Variants in MAT2A observed in about 807,000 individuals in gnomAD.
MAT2A encodes methionine adenosyltransferase 2A, also known as S-adenosylmethionine synthase isoform type-2.
Under a neutral mutation model 43.9 loss-of-function variants are expected in MAT2A, and 3 were observed. The ratio of observed to expected loss-of-function variants is 0.07; its 90% CI spans 0.03 to 0.18. The LOEUF is 0.18. MAT2A is among the 10% of genes least tolerant of loss of function. The probability of loss-of-function intolerance (pLI) is 1.00; values close to 1 mark genes in which losing one functional copy is unlikely to be tolerated. For synonymous variants in MAT2A, 200 were observed against 168.4 expected (o/e 1.19, Z -1.45); for missense variants, 204 against 489.0 (o/e 0.42, Z 5.50).
chr2:85,540,555 C>T (rs1161164685), intron 1 of MAT2A, among the ~76,000 whole-genome samples: 1 of 152,132 alleles, frequency 6.6e-6, no homozygotes, highest in Non-Finnish European at 1.5e-5. Flanking sequence ...ATTTGTTCTC[C>T]CTCCTAACAA....
At chr2:85,540,788 C>T (rs1166091771) in intron 1 of MAT2A, among the ~76,000 whole-genome samples, 1 of 152,160 alleles carries the variant, frequency 6.6e-6, no homozygotes, top group Admixed American at 6.5e-5. Context: ...CTCAGTTCTA[C>T]CAGACTCCCA....
rs1478991122 is a variant in MAT2A, at chr2:85,542,295, T to C, written c.690T>C (p.Val230=). ...DALKEKVIKA[V]VPAKYLDEDT... ...TAAAGGAGAAAGTCATCAAAGCAGT[T>C]GTGCCTGCGAAATACCTTGATGAGG... Residue 230 remains valine, a synonymous_variant, in exon 6 of 9, where the codon GTT becomes GTC. Coordinates refer to ENST00000306434, the MANE Select transcript of MAT2A (RefSeq NM_005911.6). The C allele has an allele frequency of 4.0e-5, 65 of 1,614,098 alleles. No homozygotes were observed. The highest frequency in any genetic ancestry group is 5.3e-5 in the Non-Finnish European group (62 of 1,180,052).
rs762811873 is a variant in MAT2A at position 85,542,759 on chromosome 2, T to C, written c.951+12T>C. 13 of 1,594,176 alleles carry C rather than the reference T, an allele frequency of 8.2e-6. No homozygotes were observed. The highest frequency in any genetic ancestry group is 6.9e-6 in the Non-Finnish European group (8 of 1,167,050). ...GGGTTCTTGTTCAGGTATACACTCT[T>C]TATATAACGAACGATTAAAAGTCAT... On this transcript the variant is annotated intron_variant, in intron 7 of 8. Coordinates refer to ENST00000306434, the MANE Select transcript of MAT2A (RefSeq NM_005911.6).
At position 85,541,331 on chromosome 2, in the gene MAT2A, G is replaced by A. The variant is rs1292360465; in HGVS notation, c.246G>A (p.Val82=). 1.2e-6 allele frequency: 2 copies of A among 1,614,030 alleles called. No homozygotes were observed. The highest frequency in any genetic ancestry group is 1.7e-6 in the Non-Finnish European group (2 of 1,179,990). ...TSRAAVDYQK[V]VREAVKHIGY... is the part of the protein sequence containing the mutation. Reference sequence around the variant, plus strand: ...GAGCTGCTGTTGACTACCAGAAAGTGGTTCGTGAAGCTGTTAAACACATTG... The same window carrying A: ...GAGCTGCTGTTGACTACCAGAAAGTAGTTCGTGAAGCTGTTAAACACATTG... The change falls in exon 3 of 9, where the codon GTG becomes GTA. Residue 82 remains valine (V), a synonymous_variant. Transcript: ENST00000306434.
Position 85,539,184 on chromosome 2 carries a change from C to T in MAT2A, c.-104C>T, listed in dbSNP as rs2103911272. 1.2e-6 allele frequency: 1 copy of T among 823,650 alleles called. No homozygotes were observed. Among genetic ancestry groups the T allele is most frequent in the East Asian group, 3.1e-5 (1 of 32,392 alleles). The allele number at this position is 823,650 out of a possible 1,614,324, so 51.0% of individuals were successfully genotyped here. A position where few individuals can be genotyped will look rare whatever the true frequency, so the allele number is the denominator to read the frequency against. On this transcript the variant is annotated 5_prime_UTR_variant, in exon 1 of 9. Transcript: ENST00000306434. Reference sequence around the variant, plus strand: ...CGCTGCTTCGTTCGCTCCGCGCCGCCCGCCTGCTACGAGTAGAACGCTGTC... The same window carrying T: ...CGCTGCTTCGTTCGCTCCGCGCCGCTCGCCTGCTACGAGTAGAACGCTGTC...
At chr2:85,540,196 G>C (rs140183857) in intron 1 of MAT2A, among the ~76,000 whole-genome samples, 1 of 152,232 alleles carries the variant, frequency 6.6e-6, no homozygotes, top group Non-Finnish European at 1.5e-5. Flanking sequence ...CGTGAAGGAG[G>C]AGTAAAGCTA....
rs905521973 is a variant in MAT2A, at chr2:85,545,006, A to C, written c.*1234A>C. 1 of 152,350 alleles carries C rather than the reference A, an allele frequency of 6.6e-6. No homozygotes were observed. Among genetic ancestry groups the C allele is most frequent in the African/African-American group, 2.4e-5 (1 of 41,296 alleles). 9.4% of individuals were successfully genotyped at this position (152,350 alleles called of 1,614,324 possible). ...GTTTCCAGCATTCCCAGGTAGGCCA[A>C]GGTGTCCTACAGAAAAACCTTGGGT... is the stretch of plus-strand genomic sequence containing the variant. On this transcript the variant is annotated 3_prime_UTR_variant, in exon 9 of 9. Coordinates refer to ENST00000306434, the MANE Select transcript of MAT2A (RefSeq NM_005911.6).
chr2:85,540,189 G>A (rs979147440), intron 1 of MAT2A, among the ~76,000 whole-genome samples: 26 of 152,252 alleles, frequency 1.7e-4, no homozygotes, highest in Admixed American at 3.3e-4. Flanking sequence ...ATTGGCACGT[G>A]AAGGAGGAGT....
At chr2:85,541,398 T>G (rs374061908) in intron 3 of MAT2A, 21 bp downstream of exon 3, 1 of 1,604,982 alleles carries the variant, frequency 6.2e-7, no homozygotes, top group Non-Finnish European at 8.5e-7. Flanking sequence ...ATGATTTTGC[T>G]CATTTTTTTC....
Position 85,543,913 on chromosome 2 carries a change from T to A in MAT2A, c.*141T>A. 1 of 585,148 alleles carries A rather than the reference T, an allele frequency of 1.7e-6. No individual in the cohort carries two copies. The highest frequency in any genetic ancestry group is 3.1e-6 in the Non-Finnish European group (1 of 322,724). The allele number at this position is 585,148 out of a possible 1,614,324, so 36.2% of individuals were successfully genotyped here. ...GTTGCAGTCACTCTAGTCAATGACA[T>A]GAATTTTAGCTTTTGTGGGGGACTG... On this transcript the variant is annotated 3_prime_UTR_variant, in exon 9 of 9. Coordinates refer to ENST00000306434, the MANE Select transcript of MAT2A (RefSeq NM_005911.6).
At position 85,543,874 on chromosome 2, in the gene MAT2A, TC is replaced by T; in HGVS notation, c.*103del. ...CCTTCCTAAATTTTCCTGTCCTCTT[TC>T]AGCTCCTGACCAGTTGCAGTCACTC... On this transcript the variant is annotated 3_prime_UTR_variant, in exon 9 of 9. Transcript: ENST00000306434. The T allele has an allele frequency of 2.9e-6, 2 of 682,970 alleles. No homozygotes were observed. The highest frequency in any genetic ancestry group is 5.0e-6 in the Non-Finnish European group (2 of 398,544). 42.3% of individuals were successfully genotyped at this position (682,970 alleles called of 1,614,324 possible).
chr2:85,540,868 A>G (rs549022142), intron 1 of MAT2A, among the ~76,000 whole-genome samples: 3 of 152,234 alleles, frequency 2.0e-5, no homozygotes, highest in Non-Finnish European at 4.4e-5. Flanking sequence ...TTTAAAGGAT[A>G]TAGGACTAAC....
chr2:85,541,036 C>A, intron 1 of MAT2A, 47 bp from the exon 2 acceptor site: 1 of 1,369,706 alleles, frequency 7.3e-7, no homozygotes, highest in Non-Finnish European at 1.0e-6. Flanking sequence ...TACATACATA[C>A]TTTGTTTAAA....
At position 85,541,810 on chromosome 2, in the gene MAT2A, G is replaced by C; in HGVS notation, c.406-19G>C. ...TAAATTCTGGAGCTTGATCACATTG[G>C]TGACTTTTCTTTCTTTAGGGCTTAA... On this transcript the variant is annotated intron_variant, in intron 4 of 8. Coordinates refer to ENST00000306434, the MANE Select transcript of MAT2A (RefSeq NM_005911.6). 6.2e-7 allele frequency: 1 copy of C among 1,613,830 alleles called. No homozygotes were observed. Among genetic ancestry groups the C allele is most frequent in the South Asian group, 1.1e-5 (1 of 91,056 alleles).
rs2289972 is a variant in MAT2A, at chr2:85,539,422, C to T, written c.91+44C>T. 413,774 of 1,495,296 alleles carry T rather than the reference C, an allele frequency of 0.28. 58,825 individuals are homozygous for T. The highest frequency in any genetic ancestry group is 0.36 in the African/African-American group (25,173 of 69,514). 92.6% of individuals were successfully genotyped at this position (1,495,296 alleles called of 1,614,324 possible). On this transcript the variant is annotated intron_variant, in intron 1 of 8. Transcript: ENST00000306434. The stretch of plus-strand genomic sequence containing the variant: ...GCGAAGCGTGGGGCGGGGCAGAAGG[C>T]AGCGCCAAGGTCCGGCTGGCTGCGG...
In MAT2A at chr2:85,539,253, C is replaced by A. The variant is rs780678816; in HGVS notation, c.-35C>A. The A allele has an allele frequency of 6.6e-7, 1 of 1,518,796 alleles. No homozygotes were observed. Among genetic ancestry groups the A allele is most frequent in the East Asian group, 2.4e-5 (1 of 41,986 alleles). 94.1% of individuals were successfully genotyped at this position (1,518,796 alleles called of 1,614,324 possible). On this transcript the variant is annotated 5_prime_UTR_variant, in exon 1 of 9. Transcript: ENST00000306434. ...CAGCCGCTGCCGCCTCGCCGCTGCT[C>A]CTTCGTAAGGCCACTTCCGCACACC...
intron 8 of MAT2A, chr2:85,543,387 A>G (rs1573309541): frequency 2.4e-6 from 1 of 423,982 alleles, no homozygotes; most frequent in East Asian, 4.0e-5. Flanking sequence ...GACCTTGGTA[A>G]GTATTGTGTG....
chr2:85,543,380 C>G (rs1289403031), intron 8 of MAT2A: 1 of 419,954 alleles, frequency 2.4e-6, no homozygotes, highest in Non-Finnish European at 4.3e-6. Context: ...GCGGCGGGAC[C>G]TTGGTAAGTA....
At position 85,539,450 on chromosome 2, in the gene MAT2A, G is replaced by C. The variant is rs1691396991; in HGVS notation, c.91+72G>C. 11 of 1,230,724 alleles carry C rather than the reference G, an allele frequency of 8.9e-6. No individual in the cohort carries two copies. In the South Asian group the frequency reaches 1.1e-4, roughly 13 times the overall value. The allele number at this position is 1,230,724 out of a possible 1,614,324, so 76.2% of individuals were successfully genotyped here. A position where few individuals can be genotyped will look rare whatever the true frequency, so the allele number is the denominator to read the frequency against. ...CGCCAAGGTCCGGCTGGCTGCGGCC[G>C]GCCGGTGGTGGGGCCCGCGCGGGTC... On this transcript the variant is annotated intron_variant, in intron 1 of 8. Coordinates refer to ENST00000306434, the MANE Select transcript of MAT2A (RefSeq NM_005911.6).
Sources: gnomAD v4.1 joint callset for allele counts (sites outside exome capture counted in the v4.1 genomes callset) on GRCh38, gnomAD v4.1.1 for gene constraint, MANE v1.5 for transcripts, NCBI Gene and HGNC (gene_info 2026-07-23, HGNC 2026-07-21) for gene names.